DRICH1: variants seen among roughly 807,000 people sequenced by gnomAD.
DRICH1 encodes the protein aspartate-rich protein 1.
In DRICH1, 38 loss-of-function variants were observed where a neutral mutation model predicts 39.5. The observed-to-expected ratio is 0.96, with a 90% CI of 0.74 to 1.26. The LOEUF is 1.26. Among genes scored for constraint, DRICH1 ranks in the 50% most tolerant of loss-of-function variants. The pLI, the probability that DRICH1 is intolerant of heterozygous loss-of-function variation, is 0.00. For synonymous variants in DRICH1, 84 were observed against 99.5 expected, an observed-to-expected ratio of 0.84 and a Z score of 0.93; for missense variants, 279 against 270.4, an observed-to-expected ratio of 1.03 and a Z score of -0.22.
At position 23,608,595 on chromosome 22, in the gene DRICH1, T is replaced by G; in HGVS notation, c.*169A>C. On this transcript the variant is annotated 3_prime_UTR_variant, in exon 12 of 12. Coordinates refer to ENST00000317749, the MANE Select transcript of DRICH1 (RefSeq NM_016449.4). ...CCTGGATGGTACAGGCCAAACCTAG[T>G]GCTGGCGGTGGGTGGGAAGCAGCCT... 1 of 679,592 alleles carries G rather than the reference T, an allele frequency of 1.5e-6. No homozygotes were observed. The highest frequency in any genetic ancestry group is 2.2e-5 in the Admixed American group (1 of 44,572). 42.1% of individuals were successfully genotyped at this position (679,592 alleles called of 1,614,324 possible).
At chr22:23,623,350 A>G (rs1442074258) in intron 3 of DRICH1, among the ~76,000 whole-genome samples, 1 of 151,564 alleles carries the variant, frequency 6.6e-6, no homozygotes, top group Non-Finnish European at 1.5e-5. Flanking sequence ...GGTAGAAGTG[A>G]GCAGAGATCA....
At chr22:23,619,488 A>C in intron 5 of DRICH1, 95 bp from the exon 6 acceptor site, 2 of 741,106 alleles carry the variant, frequency 2.7e-6, no homozygotes, top group Non-Finnish European at 5.0e-6. Context: ...GTGTTGGAGG[A>C]TGCACATTCA....
the DRICH1 span, among the ~76,000 whole-genome samples, chr22:23,601,069 T>G: frequency 1.3e-3 from 199 of 152,312 alleles, no homozygotes; most frequent in African/African-American, 4.6e-3. Context: ...AACAAAAATT[T>G]GTTTGCAAAT....
At chr22:23,593,564 G>T in the DRICH1 span, among the ~76,000 whole-genome samples, 1 of 152,186 alleles carries the variant, frequency 6.6e-6, no homozygotes, top group African/African-American at 2.4e-5. Context: ...ACTTTGGGAG[G>T]CCAAGGCAGG....
At chr22:23,629,948 C>T (rs1388202089) in intron 1 of DRICH1, among the ~76,000 whole-genome samples, 1 of 152,158 alleles carries the variant, frequency 6.6e-6, no homozygotes, top group African/African-American at 2.4e-5. Context: ...GCTTGAGGTA[C>T]TCATGTTACT....
chr22:23,582,567 A>ATTTTAT, the DRICH1 span, among the ~76,000 whole-genome samples: 1 of 143,324 alleles, frequency 7.0e-6, no homozygotes, highest in Non-Finnish European at 1.5e-5. Context: ...TATTATTATT[A>ATTTTAT]TTATTATTAT....
intron 5 of DRICH1, among the ~76,000 whole-genome samples, chr22:23,619,948 G>A (rs779532603): frequency 1.3e-3 from 194 of 152,300 alleles, no homozygotes; most frequent in Non-Finnish European, 2.2e-3. Context: ...CTGTCTCCAG[G>A]AGTGAGTAAC....
chr22:23,596,164 TC>T, the DRICH1 span, among the ~76,000 whole-genome samples: 1 of 152,024 alleles, frequency 6.6e-6, no homozygotes, highest in Non-Finnish European at 1.5e-5. Flanking sequence ...CTCCTTTCTG[TC>T]TCTTCTGAGA....
intron 11 of DRICH1, among the ~76,000 whole-genome samples, chr22:23,609,577 A>T (rs1926922682): frequency 6.6e-6 from 1 of 152,116 alleles, no homozygotes; most frequent in South Asian, 2.1e-4. Flanking sequence ...CTGTTTGTGC[A>T]GGTGTCAGCA....
the DRICH1 span, among the ~76,000 whole-genome samples, chr22:23,588,341 G>A: frequency 6.6e-6 from 1 of 152,176 alleles, no homozygotes; most frequent in Non-Finnish European, 1.5e-5. Context: ...GGCCAGGCTG[G>A]TCTTGAACTC....
chr22:23,620,031 T>G (rs1183794628), intron 5 of DRICH1, among the ~76,000 whole-genome samples: 1 of 152,022 alleles, frequency 6.6e-6, no homozygotes, highest in Non-Finnish European at 1.5e-5. Context: ...AAAGAGCAGG[T>G]GTTCTCAGAA....
At chr22:23,596,413 C>A in the DRICH1 span, among the ~76,000 whole-genome samples, 3 of 122,018 alleles carry the variant, frequency 2.5e-5, no homozygotes, top group Non-Finnish European at 5.7e-5. Context: ...GTACATGGCA[C>A]CCCCGTTTAT....
rs763556009 is a variant in DRICH1 at position 23,631,898 on chromosome 22, A to G, written c.126T>C (p.Thr42=). 14 of 1,613,304 alleles carry G rather than the reference A, an allele frequency of 8.7e-6. No homozygotes were observed. The highest frequency in any genetic ancestry group is 1.2e-5 in the Non-Finnish European group (14 of 1,180,036). ...CATCCAGCTTGCCAGGCTCTACAGT[A>G]GTGGATTCTGATGTTGCAGCAGCCA... ...ETVAAATSES[T]TVEPGKLDVG... Residue 42 remains threonine, a synonymous_variant, in exon 1 of 12, where the codon ACT becomes ACC. Coordinates refer to ENST00000317749, the MANE Select transcript of DRICH1 (RefSeq NM_016449.4).
At chr22:23,631,617 C>A (rs1271820569) in intron 1 of DRICH1, among the ~76,000 whole-genome samples, 199 bp downstream of exon 1, 1 of 152,002 alleles carries the variant, frequency 6.6e-6, no homozygotes, top group Non-Finnish European at 1.5e-5. Context: ...AGGGCTCTCC[C>A]TTTTCTAGAT....
intron 11 of DRICH1, among the ~76,000 whole-genome samples, chr22:23,609,601 C>G (rs986239735): frequency 6.6e-6 from 1 of 152,124 alleles, no homozygotes; most frequent in Non-Finnish European, 1.5e-5. Flanking sequence ...AGCCCTGGGC[C>G]TCTCTGGGCT....
chr22:23,587,134 T>TA, the DRICH1 span, among the ~76,000 whole-genome samples: 1 of 152,138 alleles, frequency 6.6e-6, no homozygotes, highest in Non-Finnish European at 1.5e-5. Flanking sequence ...TATGATGGGA[T>TA]TTCTAGGCCT....
At chr22:23,601,146 G>GCGCGCACACACA in the DRICH1 span, among the ~76,000 whole-genome samples, 21 of 146,142 alleles carry the variant, frequency 1.4e-4, no homozygotes, top group African/African-American at 5.1e-4. Context: ...ACGCACGCGC[G>GCGCGCACACACA]CACACACACA....
At chr22:23,588,649 C>T in the DRICH1 span, among the ~76,000 whole-genome samples, 4 of 152,230 alleles carry the variant, frequency 2.6e-5, no homozygotes, top group Non-Finnish European at 5.9e-5. Flanking sequence ...TGACCCTGTA[C>T]TCACACAGGT....
upstream of DRICH1, among the ~76,000 whole-genome samples, chr22:23,632,553 C>A (rs1282348738): frequency 1.3e-5 from 2 of 152,136 alleles, no homozygotes; most frequent in African/African-American, 4.8e-5. Flanking sequence ...GCTTTCCAGT[C>A]CTGAGCTAAG....
Sources: gnomAD v4.1 joint callset for allele counts (sites outside exome capture counted in the v4.1 genomes callset) on GRCh38, gnomAD v4.1.1 for gene constraint, MANE v1.5 for transcripts, NCBI Gene and HGNC (gene_info 2026-07-23, HGNC 2026-07-21) for gene names.